The following SCN8A variants were observed in gnomAD, a reference collection of about 807,000 sequenced individuals.
The protein encoded by SCN8A is sodium channel protein type 8 subunit alpha.
Under a neutral mutation model 184.1 loss-of-function variants are expected in SCN8A, and 30 were observed. The observed-to-expected ratio is 0.16, with a 90% CI of 0.12 to 0.22. SCN8A has a LOEUF of 0.22. Among genes scored for constraint, SCN8A ranks in the 10% least tolerant of loss-of-function variants. SCN8A has a pLI of 1.00. For missense variants in SCN8A, 1,057 were observed against 2,498.9 expected, an observed-to-expected ratio of 0.42 and a Z score of 12.30; for synonymous variants, 852 against 907.0, an observed-to-expected ratio of 0.94 and a Z score of 1.09.
intron 1 of SCN8A, among the ~76,000 whole-genome samples, chr12:51,618,526 A>G (rs1939895228): frequency 6.6e-6 from 1 of 151,528 alleles, no homozygotes; most frequent in Non-Finnish European, 1.5e-5. Flanking sequence ...AAAAAAGGCA[A>G]AACTCTGCTG....
chr12:51,688,673 T>G, intron 5 of SCN8A: 1 of 859,330 alleles, frequency 1.2e-6, no homozygotes, highest in Non-Finnish European at 1.9e-6. Flanking sequence ...AAACCATAGC[T>G]TGTATATAAG....
rs371205994 is a variant in SCN8A, at chr12:51,637,074, C to G, written c.-54-25690C>G. On this transcript the variant is annotated intron_variant, in intron 1 of 26. Transcript: ENST00000627620. ...ATTTCAATTTTTTTCATTATTACAT[C>G]TGTTATGGCGATCAGTGATCTTTGT... Among the ~76,000 whole-genome samples the G allele has an allele frequency of 9.9e-5, 15 of 152,182 alleles. No individual in the cohort carries two copies. The South Asian group carries it at 1.7e-3, about 17-fold the overall frequency.
chr12:51,649,295 A>G (rs1250844196), intron 1 of SCN8A, among the ~76,000 whole-genome samples: 2 of 152,106 alleles, frequency 1.3e-5, no homozygotes, highest in Non-Finnish European at 2.9e-5. Context: ...GAACAATGCA[A>G]TTGGTCGGTA....
intron 5 of SCN8A, 24 bp from the exon 6 acceptor site, chr12:51,688,981 T>C (rs771637529): frequency 1.9e-6 from 3 of 1,602,816 alleles, no homozygotes; most frequent in Admixed American, 3.3e-5. Context: ...CACTTGTGTC[T>C]GTGTGTGACC....
intron 2 of SCN8A, among the ~76,000 whole-genome samples, chr12:51,682,749 G>A (rs1398849190): frequency 6.6e-6 from 1 of 151,996 alleles, no homozygotes; most frequent in African/African-American, 2.4e-5. Flanking sequence ...TGAGATGTTA[G>A]GACTGTGTAT....
Position 51,639,551 on chromosome 12 carries a change from A to G in SCN8A, c.-54-23213A>G, listed in dbSNP as rs184449358. Reference sequence around the variant, plus strand: ...CACCTCAGCCTGCCAAGTAGGTGGGACTATGGCTGCGCGCCACAGCGTGAC... The same window carrying G: ...CACCTCAGCCTGCCAAGTAGGTGGGGCTATGGCTGCGCGCCACAGCGTGAC... On this transcript the variant is annotated intron_variant, in intron 1 of 26. Transcript: ENST00000627620. Among the ~76,000 whole-genome samples, 4 of 150,426 alleles carry G rather than the reference A, an allele frequency of 2.7e-5. No individual in the cohort carries two copies. The East Asian group carries it at 7.7e-4, about 29-fold the overall frequency.
intron 2 of SCN8A, among the ~76,000 whole-genome samples, chr12:51,669,433 T>G (rs1365401282): frequency 1.3e-5 from 2 of 152,224 alleles, no homozygotes; most frequent in Non-Finnish European, 2.9e-5. Context: ...ATTTTAGCTG[T>G]GGCGAACTAC....
intron 1 of SCN8A, among the ~76,000 whole-genome samples, chr12:51,639,678 A>C (rs960273329): frequency 6.6e-6 from 1 of 152,052 alleles, no homozygotes; most frequent in Non-Finnish European, 1.5e-5. Flanking sequence ...CAATACAGGA[A>C]ACTTCATTGT....
chr12:51,760,523 A>G (rs74091653), intron 14 of SCN8A, among the ~76,000 whole-genome samples: 3,346 of 152,284 alleles, frequency 0.022, 109 homozygotes, highest in African/African-American at 0.073. Flanking sequence ...CTTCATGAGC[A>G]CTTCCTGTGT....
rs886049581 is a variant in SCN8A, at chr12:51,687,169, C to G, written c.564C>G (p.Thr188=). The G allele has an allele frequency of 4.8e-5, 77 of 1,613,428 alleles. No homozygotes were observed. Among genetic ancestry groups the G allele is most frequent in the Non-Finnish European group, 6.4e-5 (75 of 1,179,538 alleles). ...GAGGTTTCTGCATAGATGGCTTTAC[C>G]TTTTTACGGGACCCATGGAACTGGT... is the stretch of plus-strand genomic sequence containing the variant. ...IARGFCIDGF[T]FLRDPWNWLD... Residue 188 remains threonine, a synonymous_variant, in exon 5 of 27, where the codon ACC becomes ACG. Transcript: ENST00000627620.
chr12:51,721,810 C>G lies in SCN8A; in HGVS notation c.1900C>G (p.Arg634Gly). 1 of 1,608,228 alleles carries G rather than the reference C, an allele frequency of 6.2e-7. No homozygotes were observed. The highest frequency in any genetic ancestry group is 2.2e-5 in the East Asian group (1 of 44,864). The change falls in exon 12 of 27, where the codon CGG (arginine) becomes GGG (glycine). Residue 634 changes from arginine to glycine, a missense_variant. Physicochemically the swap from Arg to Gly is moderately radical, Grantham distance 125. Coordinates refer to ENST00000627620, the MANE Select transcript of SCN8A (RefSeq NM_001330260.2). Reference protein sequence around the residue: ...SRSSRIFPSLRRSVKRNSTVD... With the variant: ...SRSSRIFPSLGRSVKRNSTVD... The stretch of plus-strand genomic sequence containing the variant: ...CTCCTCGCGCATCTTCCCCAGCCTG[C>G]GGCGCAGCGTGAAGCGCAACAGCAC...
At chr12:51,766,440 G>A (rs1282052211) in intron 16 of SCN8A, among the ~76,000 whole-genome samples, 3 of 152,076 alleles carry the variant, frequency 2.0e-5, no homozygotes, top group Admixed American at 6.5e-5. Context: ...GTGGGCTGTC[G>A]TGTGCATTGT....
intron 1 of SCN8A, among the ~76,000 whole-genome samples, chr12:51,593,693 G>C (rs545208660): frequency 0.011 from 1,646 of 151,556 alleles, 13 homozygotes; most frequent in Non-Finnish European, 0.016. Context: ...GTTTTTTTTT[G>C]CTTTTTATTA....
intron 1 of SCN8A, among the ~76,000 whole-genome samples, chr12:51,615,891 T>G (rs1939826144): frequency 6.6e-6 from 1 of 151,998 alleles, no homozygotes; most frequent in East Asian, 1.9e-4. Context: ...CTGGCTAATT[T>G]AAAGAAAAAA....
chr12:51,706,292 G>A, intron 10 of SCN8A, 130 bp from the exon 11 acceptor site: 1 of 831,226 alleles, frequency 1.2e-6, no homozygotes, highest in Non-Finnish European at 1.8e-6. Flanking sequence ...CCCTCTAACA[G>A]TCTAGGTTTC....
In SCN8A at chr12:51,770,677, C is replaced by A; in HGVS notation, c.3639C>A (p.Gly1213=). ...FIIFMILLSS[G]ALAFEDIYIE... ...TCTTCATGATTCTGCTGAGCAGTGG[C>A]GCCCTGGTGAGGTCCAGGGGAGAGT... Residue 1213 remains glycine (G), a synonymous_variant, in exon 19 of 27, where the codon GGC becomes GGA. Coordinates refer to ENST00000627620, the MANE Select transcript of SCN8A (RefSeq NM_001330260.2). 1 of 1,613,804 alleles carries A rather than the reference C, an allele frequency of 6.2e-7. No individual in the cohort carries two copies. The highest frequency in any genetic ancestry group is 8.5e-7 in the Non-Finnish European group (1 of 1,179,826).
At chr12:51,664,311 G>A (rs1159499524) in intron 2 of SCN8A, among the ~76,000 whole-genome samples, 7 of 151,590 alleles carry the variant, frequency 4.6e-5, no homozygotes, top group Admixed American at 1.3e-4. Context: ...GGGTTCAAGC[G>A]ATTCTGCTGC....
Position 51,705,369 on chromosome 12 carries a change from C to T in SCN8A, c.1135-48C>T, listed in dbSNP as rs2291265. Reference sequence around the variant, plus strand: ...CTTGGCCCATTAGCTGTTTTCAGCCCGGTTCATTTGGTACAAGTGACTCAG... The same window carrying T: ...CTTGGCCCATTAGCTGTTTTCAGCCTGGTTCATTTGGTACAAGTGACTCAG... On this transcript the variant is annotated intron_variant, in intron 9 of 26. Coordinates refer to ENST00000627620, the MANE Select transcript of SCN8A (RefSeq NM_001330260.2). The T allele has an allele frequency of 0.85, 1,339,931 of 1,585,148 alleles. 573,601 individuals are homozygous for T. Among genetic ancestry groups the T allele is most frequent in the East Asian group, 0.91 (40,712 of 44,684 alleles).
intron 1 of SCN8A, among the ~76,000 whole-genome samples, chr12:51,594,874 C>G (rs943651833): frequency 4.6e-5 from 7 of 151,820 alleles, no homozygotes; most frequent in Non-Finnish European, 5.9e-5. Flanking sequence ...CCTTTAAGCT[C>G]TTAATTTTAT....
Sources: gnomAD v4.1 joint callset for allele counts (sites outside exome capture counted in the v4.1 genomes callset) on GRCh38, gnomAD v4.1.1 for gene constraint, MANE v1.5 for transcripts, NCBI Gene and HGNC (gene_info 2026-07-23, HGNC 2026-07-21) for gene names.